The following RASA3 variants were observed in gnomAD, a reference collection of about 807,000 sequenced individuals.
RASA3 encodes RAS p21 protein activator 3, also known as ras GTPase-activating protein 3.
Under a neutral mutation model 110.0 loss-of-function variants are expected in RASA3, and 73 were observed. The observed-to-expected ratio is 0.66, with a 90% CI of 0.55 to 0.81. The LOEUF (loss-of-function observed/expected upper bound fraction) is 0.81, where lower values mean the gene tolerates loss of function less well. RASA3 is among the 30% of genes least tolerant of loss of function. The pLI, the probability that RASA3 is intolerant of heterozygous loss-of-function variation, is 0.00. For synonymous variants in RASA3, 500 were observed against 451.4 expected (o/e 1.11, Z -1.37); for missense variants, 976 against 1,113.2 (o/e 0.88, Z 1.75).
At position 114,018,750 on chromosome 13, in the gene RASA3, C is replaced by T. The variant is rs760912696; in HGVS notation, c.942+13G>A. 7 of 1,612,284 alleles carry T rather than the reference C, an allele frequency of 4.3e-6. No homozygotes were observed. The highest frequency in any genetic ancestry group is 3.3e-5 in the Admixed American group (2 of 59,964). On this transcript the variant is annotated intron_variant, in intron 10 of 23. Transcript: ENST00000334062. Reference sequence around the variant, plus strand: ...TCCTGCCCACACCCACAGGCCACGGCGTGGACAAGCACCTCCACATCCGCA... The same window carrying T: ...TCCTGCCCACACCCACAGGCCACGGTGTGGACAAGCACCTCCACATCCGCA...
chr13:114,123,820 G>A (rs1334231482), intron 1 of RASA3, among the ~76,000 whole-genome samples: 2 of 152,148 alleles, frequency 1.3e-5, no homozygotes, highest in African/African-American at 4.8e-5. Context: ...GTCAGAAAAA[G>A]GATCCCCACG....
chr13:114,076,414 G>A (rs768659133), intron 1 of RASA3, among the ~76,000 whole-genome samples: 5 of 152,202 alleles, frequency 3.3e-5, no homozygotes, highest in Admixed American at 1.3e-4. Flanking sequence ...CCTGGCTCCA[G>A]GCCAGGCCTC....
intron 2 of RASA3, among the ~76,000 whole-genome samples, chr13:114,063,126 T>G (rs1438195421): frequency 6.6e-6 from 1 of 152,216 alleles, no homozygotes; most frequent in Admixed American, 6.5e-5. Context: ...CACTGAATTG[T>G]ACATTTCAAA....
chr13:114,102,402 T>G (rs573599537), intron 1 of RASA3, among the ~76,000 whole-genome samples: 2 of 151,758 alleles, frequency 1.3e-5, no homozygotes, highest in South Asian at 2.1e-4. Context: ...AGAGAGACGG[T>G]GAGAGGGAGA....
intron 1 of RASA3, among the ~76,000 whole-genome samples, chr13:114,097,670 TCCCA>T (rs894018864): frequency 1.3e-5 from 2 of 152,218 alleles, no homozygotes; most frequent in Non-Finnish European, 2.9e-5. Flanking sequence ...CTTCTCCTCG[TCCCA>T]GTCCATCTTA....
Position 114,048,588 on chromosome 13 carries a change from G to T in RASA3, c.277+3464C>A, listed in dbSNP as rs1433003746. On this transcript the variant is annotated intron_variant, in intron 3 of 23. Transcript: ENST00000334062. This position sits in a 1 kb window ranked among gnomAD's most constrained non-coding sequence, Gnocchi z 4.3. ...CCAGCTGCGGGGAGCCATAGTTTCC[G>T]GTCTGTGCTCTGTGAGGGCAGCGCC... Among the ~76,000 whole-genome samples, 1 of 152,326 alleles carries T rather than the reference G, an allele frequency of 6.6e-6. No homozygotes were observed. Among genetic ancestry groups the T allele is most frequent in the South Asian group, 2.1e-4 (1 of 4,830 alleles).
At chr13:114,002,528 C>A (rs2053429189) in intron 18 of RASA3, among the ~76,000 whole-genome samples, 1 of 152,206 alleles carries the variant, frequency 6.6e-6, no homozygotes, top group African/African-American at 2.4e-5. Flanking sequence ...GACATGCCGG[C>A]CTCCTTGAGG....
chr13:114,102,295 C>G (rs1448047398), intron 1 of RASA3, among the ~76,000 whole-genome samples: 2 of 152,120 alleles, frequency 1.3e-5, no homozygotes, highest in African/African-American at 2.4e-5. Context: ...GAGCCCCAGC[C>G]AGGAGCCCAG....
Position 114,041,098 on chromosome 13 carries a change from C to A in RASA3, c.278-4G>T, listed in dbSNP as rs1193786488. ...TCCTTCTGGATGGCCACCTTCCCTG[C>A]AACACAAGCAGAGAAGACTTCACCA... On this transcript the variant is annotated splice_polypyrimidine_tract_variant and splice_region_variant and intron_variant, in intron 3 of 23. Transcript: ENST00000334062. 6.2e-7 allele frequency: 1 copy of A among 1,613,254 alleles called. No individual in the cohort carries two copies. The highest frequency in any genetic ancestry group is 8.5e-7 in the Non-Finnish European group (1 of 1,179,726).
intron 3 of RASA3, among the ~76,000 whole-genome samples, chr13:114,049,089 C>G (rs1428012905): frequency 6.6e-6 from 1 of 151,924 alleles, no homozygotes; most frequent in Non-Finnish European, 1.5e-5. Flanking sequence ...ACCTCTCACT[C>G]CTGGACCTGA....
chr13:114,027,550 G>A (rs984440686), intron 6 of RASA3, 89 bp from the exon 7 acceptor site: 8 of 955,002 alleles, frequency 8.4e-6, no homozygotes, highest in African/African-American at 3.3e-5. Flanking sequence ...AAATGCACAA[G>A]TCACTTATTG....
At chr13:114,018,322 G>A (rs1159864688) in intron 10 of RASA3, 70 bp from the exon 11 acceptor site, 2 of 1,481,916 alleles carry the variant, frequency 1.3e-6, no homozygotes, top group South Asian at 1.3e-5. Context: ...CCCCACCTTG[G>A]CTGGGGTCTC....
intron 22 of RASA3, among the ~76,000 whole-genome samples, chr13:113,982,445 G>C (rs912038331): frequency 6.6e-6 from 1 of 152,218 alleles, no homozygotes; most frequent in Non-Finnish European, 1.5e-5. Context: ...CCTACGCACC[G>C]GGGCCACCTT....
At chr13:114,063,110 AAAAAC>A (rs2079390451) in intron 2 of RASA3, among the ~76,000 whole-genome samples, 1 of 152,194 alleles carries the variant, frequency 6.6e-6, no homozygotes, top group African/African-American at 2.4e-5. Context: ...CAAATATACT[AAAAAC>A]CACTGAATTG....
intron 7 of RASA3, among the ~76,000 whole-genome samples, chr13:114,026,349 C>A (rs2054025547): frequency 6.6e-6 from 1 of 152,244 alleles, no homozygotes; most frequent in Non-Finnish European, 1.5e-5. Flanking sequence ...CCCCTGGGAG[C>A]CTGGCAGCTC....
At chr13:114,128,345 A>G (rs1178140806) in intron 1 of RASA3, among the ~76,000 whole-genome samples, 1 of 152,168 alleles carries the variant, frequency 6.6e-6, no homozygotes, top group Non-Finnish European at 1.5e-5. Context: ...CCATCACCTA[A>G]TTTGATGCCT....
At chr13:114,059,810 C>T (rs549102623) in intron 2 of RASA3, among the ~76,000 whole-genome samples, 6 of 152,360 alleles carry the variant, frequency 3.9e-5, no homozygotes, top group South Asian at 2.1e-4. Flanking sequence ...GAAACCACAG[C>T]GCTCTCTCTC....
rs145293447 is a variant in RASA3 at position 113,989,729 on chromosome 13, G to A, written c.2245+2756C>T. ...CCATCCACCCATCTCTCACCCAACCGTCCATCCACCCATCTACCCACCCAC... is the reference window on the plus strand; with the variant it reads ...CCATCCACCCATCTCTCACCCAACCATCCATCCACCCATCTACCCACCCAC... On this transcript the variant is annotated intron_variant, in intron 22 of 23. Transcript: ENST00000334062. Among the ~76,000 whole-genome samples, 402 of 151,742 alleles carry A rather than the reference G, an allele frequency of 2.6e-3. 2 individuals are homozygous for A. Among genetic ancestry groups the A allele is most frequent in the Non-Finnish European group, 4.6e-3 (313 of 67,866 alleles).
intron 2 of RASA3, among the ~76,000 whole-genome samples, chr13:114,052,648 CTG>C (rs2079164110): frequency 5.3e-5 from 8 of 151,932 alleles, no homozygotes; most frequent in African/African-American, 1.9e-4. Context: ...GAGACCCCCG[CTG>C]CTGACTGTAC....
Sources: allele counts gnomAD v4.1 joint callset (sites outside exome capture counted in the v4.1 genomes callset), GRCh38; gene constraint gnomAD v4.1.1; non-coding constraint Gnocchi (gnomAD v3.1); transcripts MANE v1.5; gene names NCBI Gene and HGNC (gene_info 2026-07-23, HGNC 2026-07-21).